GALNT13: variants seen among roughly 807,000 people sequenced by gnomAD.
GALNT13 encodes the protein UDP-GalNAc:polypeptide N-acetylgalactosaminyltransferase 13.
A neutral mutation model predicts 64.2 loss-of-function variants in GALNT13; 28 were observed. The observed-to-expected ratio is 0.44, with a 90% confidence interval of 0.32 to 0.60. The LOEUF is 0.60. Among genes scored for constraint, GALNT13 ranks in the 20% least tolerant of loss-of-function variants. The probability of loss-of-function intolerance (pLI) is 0.05; values close to 1 mark genes in which losing one functional copy is unlikely to be tolerated. For synonymous variants in GALNT13, 214 were observed against 224.6 expected (o/e 0.95, Z 0.42); for missense variants, 577 against 669.8 (o/e 0.86, Z 1.53).
intron 3 of GALNT13, among the ~76,000 whole-genome samples, chr2:154,048,970 A>T (rs1051573698): frequency 7.0e-6 from 1 of 143,574 alleles, no homozygotes; most frequent in Non-Finnish European, 1.5e-5. Context: ...GTACATGTGG[A>T]TGTATATTAT....
the GALNT13 span, among the ~76,000 whole-genome samples, chr2:153,418,652 T>C: frequency 6.6e-6 from 1 of 152,038 alleles, no homozygotes; most frequent in African/African-American, 2.4e-5. Context: ...CAGGAGAAGA[T>C]TTGGTAGATG....
chr2:154,318,325 A>C (rs1222805831), intron 9 of GALNT13, among the ~76,000 whole-genome samples: 8 of 152,242 alleles, frequency 5.3e-5, no homozygotes, highest in African/African-American at 1.9e-4. Context: ...AATGAATATT[A>C]CAATGCAATT....
intron 8 of GALNT13, among the ~76,000 whole-genome samples, chr2:154,274,614 T>C (rs1055432233): frequency 6.6e-6 from 1 of 152,092 alleles, no homozygotes; most frequent in African/African-American, 2.4e-5. Context: ...CATGTTTGCT[T>C]CCCCTTCCAC....
At chr2:153,975,492 A>G (rs961219891) in intron 3 of GALNT13, among the ~76,000 whole-genome samples, 1 of 152,066 alleles carries the variant, frequency 6.6e-6, no homozygotes, top group African/African-American at 2.4e-5. Context: ...ATTGCAAGTT[A>G]TGTTCATATC....
chr2:154,151,316 C>T (rs1426243943), intron 4 of GALNT13, among the ~76,000 whole-genome samples: 1 of 152,024 alleles, frequency 6.6e-6, no homozygotes, highest in Non-Finnish European at 1.5e-5. Flanking sequence ...AATTTCTGTT[C>T]TTTTACATTT....
At chr2:153,191,917 T>G in the GALNT13 span, among the ~76,000 whole-genome samples, 1 of 151,974 alleles carries the variant, frequency 6.6e-6, no homozygotes, top group African/African-American at 2.4e-5. Flanking sequence ...CCTTTTTGTT[T>G]CTAATTTTAT....
chr2:154,152,800 C>G (rs1362244040), intron 4 of GALNT13, among the ~76,000 whole-genome samples: 1 of 152,176 alleles, frequency 6.6e-6, no homozygotes. Flanking sequence ...TTAAGCACTT[C>G]TCTGTATTGG....
At chr2:153,096,858 A>G in the GALNT13 span, among the ~76,000 whole-genome samples, 1 of 152,102 alleles carries the variant, frequency 6.6e-6, no homozygotes, top group Non-Finnish European at 1.5e-5. Context: ...TAGTTCATTT[A>G]CATTCAATGT....
chr2:154,447,567 G>T (rs1701656385), intron 12 of GALNT13, among the ~76,000 whole-genome samples: 1 of 151,858 alleles, frequency 6.6e-6, no homozygotes, highest in Non-Finnish European at 1.5e-5. Flanking sequence ...CTTTGTCCCA[G>T]ACCTTACAAT....
chr2:153,697,425 C>G, the GALNT13 span, among the ~76,000 whole-genome samples: 1 of 152,012 alleles, frequency 6.6e-6, no homozygotes, highest in African/African-American at 2.4e-5. Context: ...CTTTTTGTTC[C>G]TATAACTAGT....
chr2:154,255,322 G>A (rs1419245184), intron 7 of GALNT13, among the ~76,000 whole-genome samples: 3 of 152,142 alleles, frequency 2.0e-5, no homozygotes, highest in East Asian at 3.9e-4. Context: ...GTTGCTAAGG[G>A]GGTATGTAGA....
chr2:153,736,257 A>G, the GALNT13 span, among the ~76,000 whole-genome samples: 129,761 of 152,146 alleles, frequency 0.85, 56,173 homozygotes, highest in Middle Eastern at 0.89. Context: ...TACTCCATGG[A>G]TTTTAGTCTG....
At chr2:153,502,330 C>A in the GALNT13 span, among the ~76,000 whole-genome samples, 1 of 152,192 alleles carries the variant, frequency 6.6e-6, no homozygotes, top group African/African-American at 2.4e-5. Context: ...TGACTGAGAA[C>A]ATGCAATGTT....
the GALNT13 span, among the ~76,000 whole-genome samples, chr2:153,767,068 C>A: frequency 3.3e-5 from 5 of 152,106 alleles, no homozygotes; most frequent in South Asian, 1.0e-3. Flanking sequence ...GAACATTGTA[C>A]CCAAAAGGTA....
At chr2:153,385,518 G>A in the GALNT13 span, among the ~76,000 whole-genome samples, 1 of 151,986 alleles carries the variant, frequency 6.6e-6, no homozygotes, top group South Asian at 2.1e-4. Flanking sequence ...GAGAGTAGAA[G>A]GATGTCTACC....
chr2:153,160,951 G>T, the GALNT13 span, among the ~76,000 whole-genome samples: 1 of 152,088 alleles, frequency 6.6e-6, no homozygotes, highest in East Asian at 1.9e-4. Context: ...ATGACTGCAG[G>T]CTCTTTAAGC....
the GALNT13 span, among the ~76,000 whole-genome samples, chr2:153,669,365 C>T: frequency 1.3e-5 from 2 of 152,190 alleles, no homozygotes; most frequent in South Asian, 2.1e-4. Flanking sequence ...AGTGTAAGTA[C>T]ACTTCTCCCC....
the GALNT13 span, among the ~76,000 whole-genome samples, chr2:153,306,160 C>T: frequency 2.0e-5 from 3 of 152,124 alleles, no homozygotes; most frequent in Non-Finnish European, 4.4e-5. Context: ...TCCTCAAGTC[C>T]CCTTCTCCAA....
At chr2:153,608,902 C>A in the GALNT13 span, among the ~76,000 whole-genome samples, 1 of 144,288 alleles carries the variant, frequency 6.9e-6, no homozygotes, top group Non-Finnish European at 1.5e-5. Flanking sequence ...ATCTAGAGTA[C>A]AATTTTTTTT....
Sources: gnomAD v4.1 joint callset for allele counts (sites outside exome capture counted in the v4.1 genomes callset) on GRCh38, gnomAD v4.1.1 for gene constraint, MANE v1.5 for transcripts, NCBI Gene and HGNC (gene_info 2026-07-23, HGNC 2026-07-21) for gene names.